ZNF79: variants seen among roughly 807,000 people sequenced by gnomAD.
ZNF79 encodes ZNFpT7.
ZNF79 carries 13 observed loss-of-function variants against 14.9 expected under a neutral mutation model. The ratio of observed to expected loss-of-function variants is 0.87; its 90% CI spans 0.57 to 1.38. The LOEUF is 1.38. Ranked by LOEUF, ZNF79 falls within the 40% of genes most tolerant of loss-of-function variation. The pLI is 0.00. For missense variants in ZNF79, 631 were observed against 630.6 expected (o/e 1.00, Z -0.01); for synonymous variants, 223 against 235.1 (o/e 0.95, Z 0.47).
At chr9:127,437,542 GAAATAACCACA>G (rs1208845596) in intron 4 of ZNF79, among the ~76,000 whole-genome samples, 1 of 151,740 alleles carries the variant, frequency 6.6e-6, no homozygotes, top group African/African-American at 2.4e-5. Context: ...GCTCTCATAA[GAAATAACCACA>G]AACTGGGTGG....
Position 127,424,776 on chromosome 9 carries a change from G to T in ZNF79, c.-12G>T. The T allele has an allele frequency of 6.2e-7, 1 of 1,613,906 alleles. No homozygotes were observed. The highest frequency in any genetic ancestry group is 8.5e-7 in the Non-Finnish European group (1 of 1,180,010). On this transcript the variant is annotated 5_prime_UTR_variant, in exon 1 of 5. It adds an upstream start codon to the 5' untranslated region. Coordinates refer to ENST00000342483, the MANE Select transcript of ZNF79 (RefSeq NM_007135.3). ...GAACTGCTGGGAGGCTGTGGCGCGA[G>T]GCGGGACTCAAATGCTGGAGGAAGG...
chr9:127,443,798 G>A (rs1834093055), intron 4 of ZNF79, among the ~76,000 whole-genome samples: 1 of 151,742 alleles, frequency 6.6e-6, no homozygotes, highest in African/African-American at 2.4e-5. Context: ...CTACTCGGGA[G>A]GCTGAGGCAG....
At chr9:127,425,118 G>A (rs567789975) in intron 1 of ZNF79, among the ~76,000 whole-genome samples, 16 of 152,228 alleles carry the variant, frequency 1.1e-4, no homozygotes, top group African/African-American at 3.6e-4. Context: ...AGGGAGAAGT[G>A]GGTTCCTGGG....
At chr9:127,427,539 ATTCT>A (rs1833781235) in intron 1 of ZNF79, among the ~76,000 whole-genome samples, 1 of 122,644 alleles carries the variant, frequency 8.2e-6, no homozygotes, top group Non-Finnish European at 1.7e-5. Context: ...CAATAACTAA[ATTCT>A]TTTTTTTTTT....
Position 127,444,843 on chromosome 9 carries a change from G to A in ZNF79, c.1143G>A (p.Arg381=), listed in dbSNP as rs753143787. The change falls in exon 5 of 5, where the codon AGG becomes AGA. Residue 381 remains arginine, a synonymous_variant. Transcript: ENST00000342483. ...GTGCAAACCTCACAAACCATCAGAG[G>A]ACTCACACTGGGGAGAAACCCTACA... The part of the protein sequence containing the change: ...SQSANLTNHQ[R]THTGEKPYKC... The A allele has an allele frequency of 6.2e-7, 1 of 1,612,372 alleles. No individual in the cohort carries two copies. The highest frequency in any genetic ancestry group is 8.5e-7 in the Non-Finnish European group (1 of 1,179,508).
intron 4 of ZNF79, 109 bp downstream of exon 4, chr9:127,436,112 C>A: frequency 1.2e-6 from 1 of 865,012 alleles, no homozygotes; most frequent in Non-Finnish European, 1.9e-6. Flanking sequence ...GCGCTATTAC[C>A]CCCATTCTAC....
At chr9:127,431,664 G>A (rs992535637) in intron 2 of ZNF79, among the ~76,000 whole-genome samples, 15 of 152,170 alleles carry the variant, frequency 9.9e-5, no homozygotes, top group African/African-American at 3.6e-4. Context: ...CAGAACCAAG[G>A]TCAAGAAGGG....
In ZNF79 at chr9:127,445,338, A is replaced by C. The variant is rs1588081382; in HGVS notation, c.*141A>C. The C allele has an allele frequency of 5.1e-6, 4 of 790,790 alleles. No homozygotes were observed. The highest frequency in any genetic ancestry group is 2.6e-5 in the East Asian group (1 of 37,822). The allele number at this position is 790,790 out of a possible 1,614,324, so 49.0% of individuals were successfully genotyped here. ...TGCAGCCCAGAGCCACATGCAAAAC[A>C]CCTTCAATAAACAGCCACTATTTCA... On this transcript the variant is annotated 3_prime_UTR_variant, in exon 5 of 5. Coordinates refer to ENST00000342483, the MANE Select transcript of ZNF79 (RefSeq NM_007135.3).
intron 1 of ZNF79, among the ~76,000 whole-genome samples, chr9:127,425,782 G>A (rs1261385913): frequency 6.6e-6 from 1 of 152,098 alleles, no homozygotes; most frequent in Non-Finnish European, 1.5e-5. Flanking sequence ...TAGTAGAGAC[G>A]GGGTTTCACC....
At chr9:127,425,312 C>T (rs1046694361) in intron 1 of ZNF79, among the ~76,000 whole-genome samples, 1 of 152,234 alleles carries the variant, frequency 6.6e-6, no homozygotes, top group Non-Finnish European at 1.5e-5. Context: ...GTCTCTTAAC[C>T]TGTATTTCTC....
rs762790731 is a variant in ZNF79 at position 127,444,724 on chromosome 9, T to C, written c.1024T>C (p.Phe342Leu). 6.2e-7 allele frequency: 1 copy of C among 1,613,774 alleles called. No individual in the cohort carries two copies. The highest frequency in any genetic ancestry group is 8.5e-7 in the Non-Finnish European group (1 of 1,179,908). ...PYKCSECGKA[F>L]SYCAAFIQHQ... Reference sequence around the variant, plus strand: ...CAAGTGCAGCGAGTGTGGGAAGGCCTTCAGTTACTGCGCAGCGTTCATTCA... The same window carrying C: ...CAAGTGCAGCGAGTGTGGGAAGGCCCTCAGTTACTGCGCAGCGTTCATTCA... The change falls in exon 5 of 5, where the codon TTC (phenylalanine) becomes CTC (leucine). Residue 342 changes from phenylalanine (F) to leucine (L), a missense_variant. By Grantham distance (22) the Phe-to-Leu change is conservative (BLOSUM62 0). Transcript: ENST00000342483.
intron 4 of ZNF79, 83 bp downstream of exon 4, chr9:127,436,086 A>T: frequency 8.4e-7 from 1 of 1,187,254 alleles, no homozygotes; most frequent in Admixed American, 1.8e-5. Context: ...TGATTATCAT[A>T]ACAACTGTGA....
At chr9:127,435,767 G>C (rs1833935831) in intron 3 of ZNF79, 141 bp from the exon 4 acceptor site, 2 of 698,470 alleles carry the variant, frequency 2.9e-6, no homozygotes, top group Admixed American at 4.1e-5. Context: ...CCCTGGTGTA[G>C]GCACTAAGTA....
rs778183167 is a variant in ZNF79 at position 127,444,768 on chromosome 9, C to T, written c.1068C>T (p.Thr356=). The T allele has an allele frequency of 2.2e-5, 35 of 1,608,618 alleles. No individual in the cohort carries two copies. The highest frequency in any genetic ancestry group is 5.4e-5 in the African/African-American group (4 of 74,626). ...AAFIQHQRIH[T]GEKPYRCAAC... Reference sequence around the variant, plus strand: ...TCATTCAGCACCAGAGGATTCACACCGGGGAGAAGCCCTACAGATGTGCCG... The same window carrying T: ...TCATTCAGCACCAGAGGATTCACACTGGGGAGAAGCCCTACAGATGTGCCG... The change falls in exon 5 of 5, where the codon ACC becomes ACT. Residue 356 remains threonine (T), a synonymous_variant. Transcript: ENST00000342483.
At chr9:127,430,376 A>AT (rs1196171797) in intron 2 of ZNF79, among the ~76,000 whole-genome samples, 5 of 152,066 alleles carry the variant, frequency 3.3e-5, no homozygotes, top group Admixed American at 2.6e-4. Context: ...TCAGGTAGGG[A>AT]GCATAGTACC....
intron 4 of ZNF79, among the ~76,000 whole-genome samples, chr9:127,442,995 A>G (rs1033807783): frequency 2.0e-5 from 3 of 152,194 alleles, no homozygotes; most frequent in African/African-American, 4.8e-5. Flanking sequence ...ATCTTGTCCA[A>G]CTGGAAGATC....
chr9:127,431,126 T>C (rs902629631), intron 2 of ZNF79, among the ~76,000 whole-genome samples: 1 of 152,192 alleles, frequency 6.6e-6, no homozygotes, highest in Non-Finnish European at 1.5e-5. Context: ...AACGTGGTTA[T>C]TTGTTTTTTG....
chr9:127,435,757 C>T (rs1230313418), intron 3 of ZNF79, 151 bp from the exon 4 acceptor site: 2 of 674,720 alleles, frequency 3.0e-6, no homozygotes, highest in East Asian at 5.1e-5. Context: ...CTGCTATAGC[C>T]CCTGGTGTAG....
chr9:127,433,948 C>T (rs1833901997), intron 2 of ZNF79, among the ~76,000 whole-genome samples: 1 of 152,196 alleles, frequency 6.6e-6, no homozygotes, highest in Non-Finnish European at 1.5e-5. Context: ...AAAACCACCT[C>T]TCCATGCCTC....
Sources: gnomAD v4.1 joint callset for allele counts (sites outside exome capture counted in the v4.1 genomes callset) on GRCh38, gnomAD v4.1.1 for gene constraint, MANE v1.5 for transcripts, NCBI Gene and HGNC (gene_info 2026-07-23, HGNC 2026-07-21) for gene names.